The following DNAAF1 variants were observed in gnomAD, a reference collection of about 807,000 sequenced individuals.
The protein encoded by DNAAF1 is dynein axonemal assembly factor 1, also known as dynein assembly factor 1, axonemal.
A neutral mutation model predicts 71.1 loss-of-function variants in DNAAF1; 65 were observed. The ratio of observed to expected loss-of-function variants is 0.91; its 90% confidence interval spans 0.75 to 1.12. The LOEUF (loss-of-function observed/expected upper bound fraction) is 1.12, where lower values mean the gene tolerates loss of function less well. Among genes scored for constraint, DNAAF1 ranks in the 50% most tolerant of loss-of-function variants. DNAAF1 has a pLI of 0.00. For missense variants in DNAAF1, 1,178 were observed against 899.8 expected (o/e 1.31, Z -3.96); for synonymous variants, 414 against 354.6 (o/e 1.17, Z -1.88).
chr16:84,150,104 A>G, intron 2 of DNAAF1, 147 bp from the exon 3 acceptor site: 2 of 647,844 alleles, frequency 3.1e-6, no homozygotes, highest in Non-Finnish European at 5.5e-6. Context: ...GAAAGGAGAA[A>G]GAGAAAAAGA....
intron 7 of DNAAF1, among the ~76,000 whole-genome samples, chr16:84,169,632 C>G (rs1173827195): frequency 1.3e-5 from 2 of 150,578 alleles, no homozygotes; most frequent in African/African-American, 2.4e-5. Context: ...TGTTGGCCAG[C>G]CTGGTTTTGA....
At chr16:84,146,703 C>G (rs907370864) in intron 1 of DNAAF1, among the ~76,000 whole-genome samples, 1 of 151,866 alleles carries the variant, frequency 6.6e-6, no homozygotes, top group East Asian at 1.9e-4. Context: ...CAAGATCACA[C>G]CACTGCACCC....
At chr16:84,174,752 A>T (rs763259283) in intron 10 of DNAAF1, 30 bp downstream of exon 10, 1 of 1,614,132 alleles carries the variant, frequency 6.2e-7, no homozygotes. Context: ...ATTTTCCCAC[A>T]GGCAGCTTAA....
rs2087949170 is a variant in DNAAF1 at position 84,165,854 on chromosome 16, G to A, written c.935G>A (p.Arg312Lys). ...EKEERQQWESRERKKITDSIE... is the reference protein window; with the variant it reads ...EKEERQQWESKERKKITDSIE... ...GAGGAGAGACAGCAGTGGGAGAGCAGGGAGCGGAAGAAGATCACAGACAGC... is the reference window on the plus strand; with the variant it reads ...GAGGAGAGACAGCAGTGGGAGAGCAAGGAGCGGAAGAAGATCACAGACAGC... Residue 312 changes from arginine to lysine, a missense_variant, in exon 7 of 12, where the codon AGG becomes AAG. Coordinates refer to ENST00000378553, the MANE Select transcript of DNAAF1 (RefSeq NM_178452.6). 1 of 1,613,530 alleles carries A rather than the reference G, an allele frequency of 6.2e-7. No individual in the cohort carries two copies. The highest frequency in any genetic ancestry group is 8.5e-7 in the Non-Finnish European group (1 of 1,179,952).
chr16:84,162,210 C>G (rs920057809), intron 6 of DNAAF1: 1 of 152,322 alleles, frequency 6.6e-6, no homozygotes, highest in South Asian at 2.1e-4. Flanking sequence ...CTTCTTCTCT[C>G]TTAAGGTAAG....
At position 84,176,094 on chromosome 16, in the gene DNAAF1, C is replaced by A. The variant is rs1379202723; in HGVS notation, c.1860C>A (p.Pro620=). The A allele has an allele frequency of 6.2e-7, 1 of 1,614,004 alleles. No homozygotes were observed. The highest frequency in any genetic ancestry group is 1.3e-5 in the African/African-American group (1 of 75,012). ...ACACCTCAAAGGCGGCTCGGGTGCCCTTCACAGACATCTTTAAAAAAGAAG... is the reference window on the plus strand; with the variant it reads ...ACACCTCAAAGGCGGCTCGGGTGCCATTCACAGACATCTTTAAAAAAGAAG... ...SKDTSKAARV[P]FTDIFKKEAK... is the part of the protein sequence containing the mutation. Residue 620 remains proline (P), a synonymous_variant, in exon 11 of 12, where the codon CCC becomes CCA. Coordinates refer to ENST00000378553, the MANE Select transcript of DNAAF1 (RefSeq NM_178452.6).
chr16:84,157,066 G>T (rs2087474337), intron 5 of DNAAF1, among the ~76,000 whole-genome samples: 1 of 151,164 alleles, frequency 6.6e-6, no homozygotes, highest in African/African-American at 2.4e-5. Context: ...TGCTCAGGCT[G>T]GTTATTTATC....
intron 4 of DNAAF1, 137 bp from the exon 5 acceptor site, chr16:84,155,446 C>G (rs949007649): frequency 3.0e-6 from 3 of 1,014,904 alleles, no homozygotes; most frequent in Admixed American, 1.8e-5. Flanking sequence ...CCAGGCTGGT[C>G]TCAAACCTCC....
rs115390112 is a variant in DNAAF1 at position 84,157,558 on chromosome 16, G to A, written c.741+1809G>A. The stretch of plus-strand genomic sequence containing the variant: ...TCCCGTCCTTTGGGCTTGAGAACCC[G>A]TCAGGTTGCTTCCTATGTCCTTTTG... On this transcript the variant is annotated intron_variant, in intron 5 of 11. Coordinates refer to ENST00000378553, the MANE Select transcript of DNAAF1 (RefSeq NM_178452.6). Among the ~76,000 whole-genome samples the A allele has an allele frequency of 5.8e-3, 869 of 150,954 alleles. 8 individuals carry two copies. The highest frequency in any genetic ancestry group is 0.037 in the South Asian group (174 of 4,758).
chr16:84,145,339 A>C lies in DNAAF1; in HGVS notation c.-102A>C. ...ACTAGGGCGCCAGCGGCTGGCGAAG[A>C]AGGAAAGAGGGTACTCTCTGGCTGG... is the stretch of plus-strand genomic sequence containing the variant. On this transcript the variant is annotated 5_prime_UTR_variant, in exon 1 of 12. Coordinates refer to ENST00000378553, the MANE Select transcript of DNAAF1 (RefSeq NM_178452.6). 14 of 1,524,510 alleles carry C rather than the reference A, an allele frequency of 9.2e-6. No individual in the cohort carries two copies. The highest frequency in any genetic ancestry group is 1.2e-5 in the Non-Finnish European group (14 of 1,135,660). 94.4% of individuals were successfully genotyped at this position (1,524,510 alleles called of 1,614,324 possible).
intron 1 of DNAAF1, among the ~76,000 whole-genome samples, chr16:84,146,977 C>G (rs891984586): frequency 6.6e-6 from 1 of 152,180 alleles, no homozygotes; most frequent in Non-Finnish European, 1.5e-5. Context: ...ACTGGCATTA[C>G]TCAGTGGAAA....
chr16:84,176,311 G>C lies in DNAAF1; in HGVS notation c.2065+12G>C, dbSNP rs1267711692. 6.2e-7 allele frequency: 1 copy of C among 1,613,086 alleles called. No individual in the cohort carries two copies. The highest frequency in any genetic ancestry group is 1.7e-5 in the Admixed American group (1 of 60,028). ...AGCCTCTTCTCCGGGTAAGAGCGTG[G>C]GGCCGAGAGCACAGTGGAGACAATG... is the stretch of plus-strand genomic sequence containing the variant. On this transcript the variant is annotated intron_variant, in intron 11 of 11. Transcript: ENST00000378553.
chr16:84,166,782 C>G (rs1333462592), intron 7 of DNAAF1, among the ~76,000 whole-genome samples: 1 of 152,204 alleles, frequency 6.6e-6, no homozygotes, highest in Non-Finnish European at 1.5e-5. Flanking sequence ...CTGTTTCAAA[C>G]CACTTTTACT....
At chr16:84,169,035 T>C (rs1200941505) in intron 7 of DNAAF1, among the ~76,000 whole-genome samples, 3 of 151,922 alleles carry the variant, frequency 2.0e-5, no homozygotes, top group African/African-American at 7.3e-5. Flanking sequence ...GCTCCCATTA[T>C]TATCCATTAT....
intron 7 of DNAAF1, among the ~76,000 whole-genome samples, chr16:84,168,867 C>A (rs1468598749): frequency 1.4e-5 from 2 of 144,744 alleles, no homozygotes; most frequent in African/African-American, 2.6e-5. Context: ...CTTTGCTTTT[C>A]CCCTGAACCA....
chr16:84,166,595 A>T (rs2088019869), intron 7 of DNAAF1, among the ~76,000 whole-genome samples: 2 of 151,164 alleles, frequency 1.3e-5, no homozygotes, highest in Admixed American at 1.3e-4. Flanking sequence ...CTGGTCTCAA[A>T]CTCCTGGGCT....
In DNAAF1 at chr16:84,170,339, T is replaced by C. The variant is rs191973367; in HGVS notation, c.1511T>C (p.Leu504Pro). The change falls in exon 8 of 12, where the codon CTG (leucine) becomes CCG (proline). Residue 504 changes from leucine (L) to proline (P), a missense_variant. Leu to Pro is a moderately conservative substitution (Grantham distance 98). Transcript: ENST00000378553. ...GCTGAGGCCCCACCACCACCGCCCC[T>C]GGGAGCTGCCAGGGAAGGTAATGTG... The part of the protein sequence containing the change: ...LPAEAPPPPP[L>P]GAAREEPTPQ... The C allele has an allele frequency of 1.5e-5, 25 of 1,613,820 alleles. No individual in the cohort carries two copies. The highest frequency in any genetic ancestry group is 2.1e-5 in the Non-Finnish European group (25 of 1,180,018).
At position 84,159,812 on chromosome 16, in the gene DNAAF1, C is replaced by G; in HGVS notation, c.863+16C>G. 2 of 1,612,850 alleles carry G rather than the reference C, an allele frequency of 1.2e-6. No individual in the cohort carries two copies. The highest frequency in any genetic ancestry group is 1.7e-6 in the Non-Finnish European group (2 of 1,179,412). ...CAAAGGACAGGTAAGAAGAGAAAAG[C>G]CTTCTGATCACATTTTAATATTTAG... On this transcript the variant is annotated intron_variant, in intron 6 of 11. Transcript: ENST00000378553.
At position 84,158,367 on chromosome 16, in the gene DNAAF1, T is replaced by G. The variant is rs78830977; in HGVS notation, c.742-1308T>G. The stretch of plus-strand genomic sequence containing the variant: ...GGTCCTCACATGGTCCCTCCCTCTG[T>G]GCCGTGTGTTCTCTGTGTCCTACTT... On this transcript the variant is annotated intron_variant, in intron 5 of 11. Coordinates refer to ENST00000378553, the MANE Select transcript of DNAAF1 (RefSeq NM_178452.6). 5.0e-3 allele frequency among the ~76,000 whole-genome samples: 762 copies of G among 152,286 alleles called. 4 individuals are homozygous for G. Among genetic ancestry groups the G allele is most frequent in the African/African-American group, 0.017 (716 of 41,554 alleles).
Sources: allele counts gnomAD v4.1 joint callset (sites outside exome capture counted in the v4.1 genomes callset), GRCh38; gene constraint gnomAD v4.1.1; transcripts MANE v1.5; gene names NCBI Gene and HGNC (gene_info 2026-07-23, HGNC 2026-07-21).